LTBP4: variants seen among roughly 807,000 people sequenced by gnomAD.
LTBP4 encodes the protein latent transforming growth factor beta binding protein 4.
In LTBP4, 93 loss-of-function variants were observed where a neutral mutation model predicts 180.2. The ratio of observed to expected loss-of-function variants is 0.52; its 90% confidence interval spans 0.44 to 0.61. The LOEUF is 0.61. Ranked by LOEUF, LTBP4 falls within the 20% of genes least tolerant of loss-of-function variation. The pLI, the probability that LTBP4 is intolerant of heterozygous loss-of-function variation, is 0.00. For missense variants in LTBP4, 2,116 were observed against 2,256.5 expected (o/e 0.94, Z 1.26); for synonymous variants, 947 against 934.5 (o/e 1.01, Z -0.24).
intron 18 of LTBP4, 134 bp from the exon 19 acceptor site, chr19:40,614,181 T>C: frequency 7.2e-7 from 1 of 1,390,226 alleles, no homozygotes; most frequent in Non-Finnish European, 9.8e-7. Context: ...TCCCCAACTC[T>C]CCTCTACCCC....
Position 40,612,054 on chromosome 19 carries a change from C to T in LTBP4, c.2180-19C>T, listed in dbSNP as rs752662709. Reference sequence around the variant, plus strand: ...AGTTGGACCACTTCTTCAAGGCCACCCTCTCCCCTGCCCCCCAGATGTGGA... The same window carrying T: ...AGTTGGACCACTTCTTCAAGGCCACTCTCTCCCCTGCCCCCCAGATGTGGA... On this transcript the variant is annotated intron_variant, in intron 14 of 29. Transcript: ENST00000396819. 24 of 1,612,492 alleles carry T rather than the reference C, an allele frequency of 1.5e-5. No individual in the cohort carries two copies. The South Asian group carries it at 2.2e-4, about 15-fold the overall frequency.
At chr19:40,600,895 G>A (rs1428911127), upstream of LTBP4, among the ~76,000 whole-genome samples, 3 of 151,918 alleles carry the variant, frequency 2.0e-5, no homozygotes, top group African/African-American at 7.3e-5. This position sits in a 1 kb window ranked among gnomAD's most constrained non-coding sequence, Gnocchi z 4.4. Context: ...CAGGTGTAGC[G>A]ACCCTTCTCC....
In LTBP4 at chr19:40,622,806, A is replaced by G. The variant is rs7257696; in HGVS notation, c.3484+139A>G. The G allele has an allele frequency of 0.44, 618,359 of 1,390,752 alleles. 141,946 individuals are homozygous for G. Among genetic ancestry groups the G allele is most frequent in the African/African-American group, 0.66 (46,168 of 70,168 alleles). 86.2% of individuals were successfully genotyped at this position (1,390,752 alleles called of 1,614,324 possible). ...TCAGGGCAAGGGCGAGCTGCCAGGC[A>G]GGTGGGCATGGGCAGACATAAGGCT... On this transcript the variant is annotated intron_variant, in intron 23 of 29. Coordinates refer to ENST00000396819, the MANE Select transcript of LTBP4 (RefSeq NM_001042545.2). This position sits in a 1 kb window ranked among gnomAD's most constrained non-coding sequence, Gnocchi z 5.1.
chr19:40,618,401 A>C (rs901736348), intron 21 of LTBP4, among the ~76,000 whole-genome samples: 2 of 152,048 alleles, frequency 1.3e-5, no homozygotes, highest in East Asian at 3.8e-4. Context: ...CTGAGATTAC[A>C]GGTGCCCACC....
chr19:40,612,031 T>G (rs1599867221), intron 14 of LTBP4, 42 bp from the exon 15 acceptor site: 1 of 1,610,502 alleles, frequency 6.2e-7, no homozygotes, highest in Non-Finnish European at 8.5e-7. Flanking sequence ...GAGGGGGGAG[T>G]TGGACCACTT....
intron 1 of LTBP4, among the ~76,000 whole-genome samples, chr19:40,594,005 G>C (rs1293590361): frequency 6.6e-6 from 1 of 151,806 alleles, no homozygotes; most frequent in African/African-American, 2.4e-5. Flanking sequence ...TGTTGGCCAG[G>C]CTGGCCTGAA....
At chr19:40,618,109 G>T (rs2081562871) in intron 21 of LTBP4, among the ~76,000 whole-genome samples, 1 of 151,508 alleles carries the variant, frequency 6.6e-6, no homozygotes, top group South Asian at 2.1e-4. Flanking sequence ...TGTTGCCCAG[G>T]CTGGAGTGTG....
At chr19:40,603,748 A>G (rs904927139) in intron 1 of LTBP4, among the ~76,000 whole-genome samples, 1 of 151,900 alleles carries the variant, frequency 6.6e-6, no homozygotes, top group Non-Finnish European at 1.5e-5. Context: ...TCCCCTCCGC[A>G]CAGCTGTCTC....
Position 40,619,442 on chromosome 19 carries a change from G to T in LTBP4, c.3166G>T (p.Glu1056Ter). The T allele has an allele frequency of 6.2e-7, 1 of 1,613,836 alleles. No individual in the cohort carries two copies. Among genetic ancestry groups the T allele is most frequent in the Non-Finnish European group, 8.5e-7 (1 of 1,179,852 alleles). The stretch of plus-strand genomic sequence containing the variant: ...CCTCTGTGTCTGCCCCAACAGCCCG[G>T]AAGAGTTTGACCCCATGACTGGACG... Reference protein sequence around the residue: ...SFLCVCPNSPEEFDPMTGRCV... With the variant: ...SFLCVCPNSP The change falls in exon 22 of 30, where the codon GAA becomes TAA. Residue 1056 changes from glutamate to a stop codon, truncating the protein, a stop_gained. Transcript: ENST00000396819. LOFTEE classifies it high-confidence loss of function.
Position 40,612,208 on chromosome 19 carries a change from G to A in LTBP4, c.2299+16G>A, listed in dbSNP as rs760693814. On this transcript the variant is annotated intron_variant, in intron 15 of 29. Transcript: ENST00000396819. ...AGATGCACTGGTGAGACCAGGCCCT[G>A]GCTGTGACCTTGGGCCTGCATCATG... The A allele has an allele frequency of 4.4e-6, 7 of 1,584,138 alleles. No individual in the cohort carries two copies. In the Admixed American group the frequency reaches 1.1e-4, roughly 24 times the overall value.
chr19:40,601,279 G>A (rs939853320), upstream of LTBP4: 55 of 856,580 alleles, frequency 6.4e-5, no homozygotes, highest in Admixed American at 1.3e-4. Context: ...TGAGGAGGGG[G>A]GGCCTGAGCG....
chr19:40,625,279 TATATATATATATATATA>T (rs2081619550), intron 26 of LTBP4, among the ~76,000 whole-genome samples: 12 of 9,646 alleles, frequency 1.2e-3, no homozygotes, highest in African/African-American at 4.3e-3. Flanking sequence ...TATATATATA[TATATATATATATATATA>T]TATATATATA....
Position 40,606,507 on chromosome 19 carries a change from G to A in LTBP4, c.972G>A (p.Ser324=), listed in dbSNP as rs2081463210. 6.4e-7 allele frequency: 1 copy of A among 1,569,838 alleles called. No individual in the cohort carries two copies. Among genetic ancestry groups the A allele is most frequent in the Non-Finnish European group, 8.6e-7 (1 of 1,158,578 alleles). Residue 324 remains serine (S), a synonymous_variant, in exon 6 of 30, where the codon TCG becomes TCA. Transcript: ENST00000396819. ...GCCCCGACGGCTTTCTGCTCGACTCGTCCCGCAGCAGCTGCATCTGTGAGC... is the reference window on the plus strand; with the variant it reads ...GCCCCGACGGCTTTCTGCTCGACTCATCCCGCAGCAGCTGCATCTGTGAGC... The part of the protein sequence containing the change: ...CVCPDGFLLD[S]SRSSCISQHV...
chr19:40,605,354 C>T lies in LTBP4; in HGVS notation c.443-51C>T. 4 of 1,604,758 alleles carry T rather than the reference C, an allele frequency of 2.5e-6. No individual in the cohort carries two copies. The South Asian group carries it at 3.3e-5, about 13-fold the overall frequency. ...GCCCTCCCCGCCTTGTCTAGCCCCACCCCGTAAGAACCCGTGTAGACATCC... is the reference window on the plus strand; with the variant it reads ...GCCCTCCCCGCCTTGTCTAGCCCCATCCCGTAAGAACCCGTGTAGACATCC... On this transcript the variant is annotated intron_variant, in intron 2 of 29. Transcript: ENST00000396819. This position sits in a 1 kb window ranked among gnomAD's most constrained non-coding sequence, Gnocchi z 5.5.
At chr19:40,593,520 A>G (rs71358922) in intron 1 of LTBP4, among the ~76,000 whole-genome samples, 2,714 of 152,084 alleles carry the variant, frequency 0.018, 32 homozygotes, top group Middle Eastern at 0.061. Flanking sequence ...CTGGGATTAC[A>G]GGTGTGAGCT....
intron 9 of LTBP4, 176 bp downstream of exon 9, chr19:40,608,779 C>A: frequency 1.6e-6 from 1 of 641,300 alleles, no homozygotes; most frequent in Non-Finnish European, 2.6e-6. Context: ...GGCGTGGTGG[C>A]AGATGCCTGT....
intron 15 of LTBP4, 97 bp from the exon 16 acceptor site, chr19:40,612,968 A>C: frequency 7.8e-7 from 1 of 1,285,592 alleles, no homozygotes; most frequent in Non-Finnish European, 1.1e-6. Flanking sequence ...CCAACTCATG[A>C]GACTTCCCAC....
At position 40,601,469 on chromosome 19, in the gene LTBP4, C is replaced by T. The variant is rs1489378886; in HGVS notation, c.82C>T (p.Leu28Phe). The change falls in exon 1 of 30, where the codon CTC (leucine) becomes TTC (phenylalanine). Residue 28 changes from leucine (L) to phenylalanine (F), a missense_variant. Around this residue, in one of 5 missense-constraint regions of LTBP4, gnomAD observed 469 missense variants for 532.5 expected, o/e 0.88. Coordinates refer to ENST00000396819, the MANE Select transcript of LTBP4 (RefSeq NM_001042545.2). ...QLGPQPGLGR[L>F]GERLRVRFTP... ...AGGGCCGCAGCCTGGACTGGGCCGG[C>T]TCGGAGAGCGTCTCCGCGTGCGCTT... The T allele has an allele frequency of 8.7e-6, 13 of 1,492,530 alleles. No homozygotes were observed. Among genetic ancestry groups the T allele is most frequent in the Non-Finnish European group, 1.1e-5 (12 of 1,127,512 alleles). 92.5% of individuals were successfully genotyped at this position (1,492,530 alleles called of 1,614,324 possible). A position where few individuals can be genotyped will look rare whatever the true frequency, so the allele number is the denominator to read the frequency against.
chr19:40,623,122 G>T, intron 24 of LTBP4, 101 bp downstream of exon 24: 1 of 819,210 alleles, frequency 1.2e-6, no homozygotes, highest in South Asian at 2.1e-5. Context: ...CTGTTTCTCT[G>T]TATCTGTCTC....
Sources: allele counts gnomAD v4.1 joint callset (sites outside exome capture counted in the v4.1 genomes callset), GRCh38; gene constraint gnomAD v4.1.1; regional missense constraint gnomAD v4.1.1; non-coding constraint Gnocchi (gnomAD v3.1); transcripts MANE v1.5; gene names NCBI Gene and HGNC (gene_info 2026-07-23, HGNC 2026-07-21).